The following CERS3 variants were observed in gnomAD, a reference collection of about 807,000 sequenced individuals.
CERS3 encodes LAG1 homolog, ceramide synthase 3.
In CERS3, 33 loss-of-function variants were observed where a neutral mutation model predicts 50.3. The observed-to-expected ratio is 0.66, with a 90% CI of 0.50 to 0.88. The LOEUF (loss-of-function observed/expected upper bound fraction) is 0.88, where lower values mean the gene tolerates loss of function less well. CERS3 is among the 40% of genes least tolerant of loss of function. The probability of loss-of-function intolerance (pLI) is 0.00; values close to 1 mark genes in which losing one functional copy is unlikely to be tolerated. For missense variants in CERS3, 470 were observed against 460.3 expected, an observed-to-expected ratio of 1.02 and a Z score of -0.19; for synonymous variants, 176 against 155.2, an observed-to-expected ratio of 1.13 and a Z score of -0.99.
intron 11 of CERS3, among the ~76,000 whole-genome samples, chr15:100,407,019 C>T (rs967991445): frequency 6.6e-6 from 1 of 152,136 alleles, no homozygotes; most frequent in African/African-American, 2.4e-5. Context: ...ATTGCGAGAA[C>T]AGCACGGGAA....
chr15:100,427,668 T>C (rs1324688594), intron 11 of CERS3, among the ~76,000 whole-genome samples: 1 of 152,214 alleles, frequency 6.6e-6, no homozygotes, highest in Non-Finnish European at 1.5e-5. Context: ...GATGAAGTGA[T>C]GAAGATTGGG....
At chr15:100,541,980 A>AT (rs1223660634) in intron 1 of CERS3, among the ~76,000 whole-genome samples, 1 of 152,200 alleles carries the variant, frequency 6.6e-6, no homozygotes, top group African/African-American at 2.4e-5. Flanking sequence ...ATTAGAGGAT[A>AT]AATGGTACAC....
chr15:100,541,962 G>C (rs2037213043), intron 1 of CERS3, among the ~76,000 whole-genome samples: 1 of 152,008 alleles, frequency 6.6e-6, no homozygotes, highest in Non-Finnish European at 1.5e-5. Context: ...TAAATGTCTG[G>C]AGTAACCATT....
At chr15:100,481,381 T>C (rs1473449564) in intron 5 of CERS3, among the ~76,000 whole-genome samples, 1 of 152,204 alleles carries the variant, frequency 6.6e-6, no homozygotes. Context: ...CCAAAAGACA[T>C]TTTACAAAAT....
chr15:100,521,212 T>C (rs1372590999), intron 2 of CERS3, among the ~76,000 whole-genome samples: 1 of 152,222 alleles, frequency 6.6e-6, no homozygotes, highest in African/African-American at 2.4e-5. Flanking sequence ...TGAATGACTC[T>C]TCCTCGTACA....
At chr15:100,443,170 CT>C (rs1403530294) in intron 11 of CERS3, among the ~76,000 whole-genome samples, 1,680 of 148,820 alleles carry the variant, frequency 0.011, no homozygotes, top group African/African-American at 0.038. Context: ...TTGTATCCCC[CT>C]ACCTTAACCC....
intron 11 of CERS3, among the ~76,000 whole-genome samples, chr15:100,429,704 C>CAA (rs1181634844): frequency 2.6e-5 from 4 of 152,198 alleles, no homozygotes; most frequent in South Asian, 4.1e-4. Flanking sequence ...CCCCATCCTT[C>CAA]AGTTGATCCT....
chr15:100,467,878 GAT>G (rs1413294857), intron 10 of CERS3, among the ~76,000 whole-genome samples: 8 of 38,832 alleles, frequency 2.1e-4, no homozygotes, highest in African/African-American at 3.4e-4. Context: ...TAGATAGATA[GAT>G]ATAGATATAG....
At chr15:100,438,056 TTGA>T (rs1451158565) in intron 11 of CERS3, 1 of 130,930 alleles carries the variant, frequency 7.6e-6, no homozygotes, top group Non-Finnish European at 1.7e-5. Context: ...TTTTTTTTTT[TTGA>T]GATGGAGTCT....
In CERS3 at chr15:100,400,606, C is replaced by A. The variant is rs919441441; in HGVS notation, c.*2107G>T. ...AGTAGTTTAGTGCTTTCAGCTGTAT[C>A]AGAAATAGTTAAAATTGGTATATCA... On this transcript the variant is annotated 3_prime_UTR_variant, in exon 12 of 12. Coordinates refer to ENST00000679737, the MANE Select transcript of CERS3 (RefSeq NM_001378789.1). The A allele has an allele frequency of 7.9e-5, 12 of 151,804 alleles. No homozygotes were observed. The highest frequency in any genetic ancestry group is 1.8e-4 in the Non-Finnish European group (12 of 67,972). The allele number at this position is 151,804 out of a possible 1,614,324, so 9.4% of individuals were successfully genotyped here.
intron 2 of CERS3, among the ~76,000 whole-genome samples, chr15:100,510,833 T>A (rs1175872168): frequency 6.6e-6 from 1 of 152,230 alleles, no homozygotes; most frequent in Non-Finnish European, 1.5e-5. Context: ...GAGAAATGAA[T>A]TTCTATCTTA....
intron 8 of CERS3, among the ~76,000 whole-genome samples, chr15:100,475,404 C>A (rs537458589): frequency 6.6e-6 from 1 of 152,156 alleles, no homozygotes; most frequent in Admixed American, 6.5e-5. Flanking sequence ...CTTTTATTTA[C>A]GGTGTAGTTT....
At chr15:100,474,759 T>C (rs999656795) in intron 8 of CERS3, among the ~76,000 whole-genome samples, 10 of 152,210 alleles carry the variant, frequency 6.6e-5, no homozygotes, top group African/African-American at 2.2e-4. Flanking sequence ...ACAGAGGAGA[T>C]AGGAACTATT....
At position 100,484,582 on chromosome 15, in the gene CERS3, C is replaced by T. The variant is rs2142281463; in HGVS notation, c.375G>A (p.Arg125=). 2 of 1,614,004 alleles carry T rather than the reference C, an allele frequency of 1.2e-6. No homozygotes were observed. Among genetic ancestry groups the T allele is most frequent in the Non-Finnish European group, 1.7e-6 (2 of 1,179,848 alleles). ...RWFRSRRNQE[R]PSRLKKFQEA... ...CCTGGAATTTCTTCAGCCTGGAAGG[C>T]CTCTCTTGATTCCGCCGACTCCTAA... Residue 125 remains arginine (R), a synonymous_variant, in exon 5 of 12, where the codon AGG becomes AGA. Coordinates refer to ENST00000679737, the MANE Select transcript of CERS3 (RefSeq NM_001378789.1).
intron 5 of CERS3, among the ~76,000 whole-genome samples, chr15:100,483,941 C>T (rs2035407033): frequency 6.6e-6 from 1 of 151,362 alleles, no homozygotes; most frequent in Admixed American, 6.6e-5. Context: ...CCACCACGCC[C>T]AGCTAATTTT....
chr15:100,457,178 C>G (rs1389894448), intron 10 of CERS3, among the ~76,000 whole-genome samples: 1 of 152,034 alleles, frequency 6.6e-6, no homozygotes, highest in East Asian at 1.9e-4. Context: ...TTTTCCTATA[C>G]AATTTTTTAA....
intron 11 of CERS3, among the ~76,000 whole-genome samples, chr15:100,431,273 A>T (rs1409662271): frequency 3.3e-5 from 5 of 152,236 alleles, no homozygotes; most frequent in Non-Finnish European, 7.3e-5. Flanking sequence ...CAGTCCAGAA[A>T]GGCAACATAA....
intron 2 of CERS3, among the ~76,000 whole-genome samples, chr15:100,512,313 G>A (rs1365563719): frequency 1.3e-5 from 2 of 152,206 alleles, no homozygotes; most frequent in Non-Finnish European, 2.9e-5. Context: ...TAGCAACATG[G>A]TGGGAGGAAA....
chr15:100,410,255 T>C (rs1257719009), intron 11 of CERS3, among the ~76,000 whole-genome samples: 1 of 152,194 alleles, frequency 6.6e-6, no homozygotes, highest in East Asian at 1.9e-4. Flanking sequence ...AGCTTAATAG[T>C]GACCCGTTAC....
Sources: allele counts gnomAD v4.1 joint callset (sites outside exome capture counted in the v4.1 genomes callset), GRCh38; gene constraint gnomAD v4.1.1; transcripts MANE v1.5; gene names NCBI Gene and HGNC (gene_info 2026-07-23, HGNC 2026-07-21).